SNCAIP: variants seen among roughly 807,000 people sequenced by gnomAD.
The protein encoded by SNCAIP is synphilin-1.
A neutral mutation model predicts 86.7 loss-of-function variants in SNCAIP; 43 were observed. That is an observed-to-expected ratio of 0.50 (90% CI 0.39 to 0.64). The LOEUF (loss-of-function observed/expected upper bound fraction) is 0.64. SNCAIP is among the 30% of genes least tolerant of loss of function. The pLI is 0.00. For synonymous variants in SNCAIP, 417 were observed against 427.2 expected (o/e 0.98, Z 0.29); for missense variants, 981 against 1,103.1 (o/e 0.89, Z 1.57).
intron 10 of SNCAIP, among the ~76,000 whole-genome samples, chr5:122,455,228 C>G (rs1286447005): frequency 6.6e-6 from 1 of 152,172 alleles, no homozygotes; most frequent in East Asian, 1.9e-4. Flanking sequence ...GTTTCACTCA[C>G]TCATAATCAC....
At chr5:122,439,719 A>G (rs947354337) in intron 6 of SNCAIP, among the ~76,000 whole-genome samples, 3 of 152,212 alleles carry the variant, frequency 2.0e-5, no homozygotes, top group Admixed American at 6.5e-5. Context: ...ACACATGATC[A>G]TCTTTTTAAA....
intron 2 of SNCAIP, among the ~76,000 whole-genome samples, chr5:122,397,305 C>A (rs1413815570): frequency 6.6e-6 from 1 of 152,074 alleles, no homozygotes; most frequent in African/African-American, 2.4e-5. Flanking sequence ...ATGTCCACTT[C>A]TTATTATACA....
chr5:122,398,872 T>C (rs1038756254), intron 2 of SNCAIP, among the ~76,000 whole-genome samples: 3 of 152,114 alleles, frequency 2.0e-5, no homozygotes, highest in Non-Finnish European at 4.4e-5. Flanking sequence ...TCACGCACTG[T>C]CATTATGAAT....
At chr5:122,446,631 T>C (rs924785348) in intron 8 of SNCAIP, among the ~76,000 whole-genome samples, 3 of 152,230 alleles carry the variant, frequency 2.0e-5, no homozygotes, top group Non-Finnish European at 4.4e-5. Flanking sequence ...GAGGCTACGT[T>C]GTATACCCTA....
At chr5:122,395,849 C>T (rs1250354795) in intron 2 of SNCAIP, among the ~76,000 whole-genome samples, 1 of 152,132 alleles carries the variant, frequency 6.6e-6, no homozygotes, top group Non-Finnish European at 1.5e-5. Context: ...AAGAACCTAG[C>T]CTCCCCTTCT....
intron 2 of SNCAIP, among the ~76,000 whole-genome samples, chr5:122,400,634 T>A (rs1463031303): frequency 6.6e-6 from 1 of 152,188 alleles, no homozygotes; most frequent in Non-Finnish European, 1.5e-5. Flanking sequence ...CAGGGCTTCA[T>A]GGAGAAGCAG....
At chr5:122,393,968 A>G (rs577323343) in intron 2 of SNCAIP, among the ~76,000 whole-genome samples, 148 of 152,324 alleles carry the variant, frequency 9.7e-4, no homozygotes, top group Non-Finnish European at 1.5e-3. Context: ...GAATATTACA[A>G]CTTCTTTAAG....
chr5:122,368,215 A>G (rs770937474), intron 1 of SNCAIP, among the ~76,000 whole-genome samples: 2 of 152,030 alleles, frequency 1.3e-5, no homozygotes, highest in African/African-American at 4.8e-5. Flanking sequence ...CCTCCTTTGG[A>G]TACCCTAGTG....
chr5:122,336,575 C>T (rs926570147), intron 1 of SNCAIP, among the ~76,000 whole-genome samples: 6 of 152,196 alleles, frequency 3.9e-5, no homozygotes, highest in Non-Finnish European at 5.9e-5. Context: ...ACAGCCTTGG[C>T]TGGTAAAAAG....
At chr5:122,431,352 T>C (rs1331665793) in intron 5 of SNCAIP, among the ~76,000 whole-genome samples, 1 of 152,204 alleles carries the variant, frequency 6.6e-6, no homozygotes. Context: ...TCCACATATC[T>C]ATCAATAAGT....
chr5:122,451,895 C>T, intron 10 of SNCAIP: 1 of 326,666 alleles, frequency 3.1e-6, no homozygotes, highest in Non-Finnish European at 5.7e-6. Flanking sequence ...TGTTAGGGTC[C>T]TAGACTTGGA....
intron 1 of SNCAIP, among the ~76,000 whole-genome samples, chr5:122,318,494 C>T (rs868781739): frequency 5.3e-5 from 8 of 152,068 alleles, no homozygotes; most frequent in Admixed American, 2.6e-4. Context: ...CAGTGCCTTG[C>T]CCACCATGTA....
intron 1 of SNCAIP, among the ~76,000 whole-genome samples, chr5:122,376,590 T>G (rs554225012): frequency 6.6e-6 from 1 of 152,172 alleles, no homozygotes; most frequent in Non-Finnish European, 1.5e-5. Flanking sequence ...AGTTTTGTCC[T>G]TGTGGAATTG....
chr5:122,319,513 A>T (rs142040473), intron 1 of SNCAIP, among the ~76,000 whole-genome samples: 3 of 152,332 alleles, frequency 2.0e-5, no homozygotes, highest in Admixed American at 6.5e-5. Context: ...GAAACTCAAT[A>T]GTTCTTAAAC....
At chr5:122,417,765 T>C (rs1340903228) in intron 3 of SNCAIP, among the ~76,000 whole-genome samples, 1 of 151,964 alleles carries the variant, frequency 6.6e-6, no homozygotes, top group Non-Finnish European at 1.5e-5. Context: ...CATCCATTCA[T>C]TGAAAGATTA....
intron 6 of SNCAIP, among the ~76,000 whole-genome samples, chr5:122,438,193 T>A (rs934005977): frequency 1.3e-5 from 2 of 152,208 alleles, no homozygotes; most frequent in Non-Finnish European, 2.9e-5. Flanking sequence ...TCTTATAATG[T>A]TGATGAGAAG....
At chr5:122,461,607 TATA>T (rs1314026493) in intron 10 of SNCAIP, among the ~76,000 whole-genome samples, 2 of 152,000 alleles carry the variant, frequency 1.3e-5, no homozygotes, top group Non-Finnish European at 2.9e-5. Flanking sequence ...TTATTTCTGT[TATA>T]ATAATATTAA....
intron 1 of SNCAIP, among the ~76,000 whole-genome samples, chr5:122,349,806 TGTG>T (rs1759401347): frequency 6.6e-6 from 1 of 152,308 alleles, no homozygotes; most frequent in Non-Finnish European, 1.5e-5. Flanking sequence ...TTTCCTATGC[TGTG>T]GTGCTTCATC....
intron 1 of SNCAIP, among the ~76,000 whole-genome samples, chr5:122,333,255 G>A (rs1306885090): frequency 1.3e-5 from 2 of 152,184 alleles, no homozygotes; most frequent in African/African-American, 4.8e-5. Context: ...CTCATTTTTA[G>A]ATAAATGACT....
Sources: gnomAD v4.1 joint callset for allele counts (sites outside exome capture counted in the v4.1 genomes callset) on GRCh38, gnomAD v4.1.1 for gene constraint, MANE v1.5 for transcripts, NCBI Gene and HGNC (gene_info 2026-07-23, HGNC 2026-07-21) for gene names.